Variants in KSR1 observed in about 807,000 individuals in gnomAD.
The protein encoded by KSR1 is kinase suppressor of ras 1, also known as kinase suppressor of ras.
Under a neutral mutation model 92.9 loss-of-function variants are expected in KSR1, and 35 were observed. The ratio of observed to expected loss-of-function variants is 0.38; its 90% CI spans 0.29 to 0.50. The LOEUF is 0.50. Ranked by LOEUF, KSR1 falls within the 20% of genes least tolerant of loss-of-function variation. The probability of loss-of-function intolerance (pLI) is 0.94; values close to 1 mark genes in which losing one functional copy is unlikely to be tolerated. For missense variants in KSR1, 972 were observed against 1,158.5 expected (o/e 0.84, Z 2.34); for synonymous variants, 467 against 472.6 (o/e 0.99, Z 0.15).
At chr17:27,496,459 G>C (rs2068988975) in intron 1 of KSR1, among the ~76,000 whole-genome samples, 1 of 152,138 alleles carries the variant, frequency 6.6e-6, no homozygotes, top group African/African-American at 2.4e-5. Context: ...GGCTGATTCT[G>C]CCTGATTTTA....
chr17:27,551,175 G>A (rs566554193), intron 2 of KSR1, among the ~76,000 whole-genome samples: 2 of 152,308 alleles, frequency 1.3e-5, no homozygotes, highest in South Asian at 4.1e-4. Flanking sequence ...TTGGAATTTG[G>A]AAATAAGAGT....
At chr17:27,585,956 C>T (rs1481847646) in intron 5 of KSR1, 2 of 459,066 alleles carry the variant, frequency 4.4e-6, no homozygotes, top group Non-Finnish European at 7.9e-6. Flanking sequence ...CCTTCCCCAC[C>T]GAGACTCTCC....
At chr17:27,592,701 G>A in intron 9 of KSR1, 75 bp downstream of exon 9, 1 of 1,236,312 alleles carries the variant, frequency 8.1e-7, no homozygotes, top group Non-Finnish European at 1.1e-6. Flanking sequence ...CTGCCTCAGA[G>A]GCTCAGTGGG....
At chr17:27,479,638 T>G (rs2068453843) in intron 1 of KSR1, among the ~76,000 whole-genome samples, 1 of 152,186 alleles carries the variant, frequency 6.6e-6, no homozygotes, top group Non-Finnish European at 1.5e-5. Flanking sequence ...AGACAGACGC[T>G]TGGACTTCCC....
chr17:27,607,772 A>C, intron 14 of KSR1, 142 bp from the exon 15 acceptor site: 1 of 649,248 alleles, frequency 1.5e-6, no homozygotes, highest in Non-Finnish European at 2.8e-6. Flanking sequence ...GGGCTGGGTT[A>C]AAGAAGATTT....
rs758986920 is a variant in KSR1, at chr17:27,597,273, C to G, written c.1305C>G (p.His435Gln). The G allele has an allele frequency of 6.3e-7, 1 of 1,586,138 alleles. No homozygotes were observed. Among genetic ancestry groups the G allele is most frequent in the South Asian group, 1.2e-5 (1 of 86,922 alleles). Residue 435 changes from histidine to glutamine, a missense_variant, in exon 10 of 21, where the codon CAC becomes CAG. Coordinates refer to ENST00000644974, the MANE Select transcript of KSR1 (RefSeq NM_001394583.1). ...CAACATCTCTGGTCCTGCAGGAGCA[C>G]CCTCCGGCCATGAATCACCTGGACT... ...TLPKALTKKE[H>Q]PPAMNHLDSS...
intron 18 of KSR1, among the ~76,000 whole-genome samples, chr17:27,612,026 C>T (rs1313768601): frequency 6.6e-6 from 1 of 152,154 alleles, no homozygotes; most frequent in African/African-American, 2.4e-5. Flanking sequence ...AATCTTTCCT[C>T]ATAATGTTTT....
chr17:27,588,648 T>A lies in KSR1; in HGVS notation c.1046+113T>A. The A allele has an allele frequency of 6.3e-6, 6 of 952,796 alleles. No individual in the cohort carries two copies. In the South Asian group the frequency reaches 1.2e-4, roughly 18 times the overall value. The allele number at this position is 952,796 out of a possible 1,614,324, so 59.0% of individuals were successfully genotyped here. A position where few individuals can be genotyped will look rare whatever the true frequency, so the allele number is the denominator to read the frequency against. On this transcript the variant is annotated intron_variant, in intron 6 of 20. Transcript: ENST00000644974. ...GAGCTCTTTGCCTCTGACGGGCCTG[T>A]CCATTTCACCTGTGGGACATGGCCC... is the stretch of plus-strand genomic sequence containing the variant.
intron 1 of KSR1, among the ~76,000 whole-genome samples, chr17:27,490,250 G>A (rs2068781755): frequency 1.3e-5 from 2 of 152,204 alleles, no homozygotes; most frequent in African/African-American, 4.8e-5. Context: ...TTATGTAAAT[G>A]CTAGCTATTA....
At chr17:27,575,155 A>C (rs1384959412) in intron 2 of KSR1, among the ~76,000 whole-genome samples, 1 of 152,260 alleles carries the variant, frequency 6.6e-6, no homozygotes, top group Admixed American at 6.5e-5. Context: ...AGGCAAGTTT[A>C]TTAGAGAAGT....
intron 1 of KSR1, among the ~76,000 whole-genome samples, chr17:27,513,820 G>A (rs2069690869): frequency 6.6e-6 from 1 of 152,216 alleles, no homozygotes; most frequent in Non-Finnish European, 1.5e-5. Flanking sequence ...GTGTAGGGCT[G>A]TGTTGGGGCA....
At chr17:27,620,570 A>C (rs536316145) in intron 19 of KSR1, among the ~76,000 whole-genome samples, 1 of 152,294 alleles carries the variant, frequency 6.6e-6, no homozygotes, top group Admixed American at 6.5e-5. Flanking sequence ...GGGCCTCTGC[A>C]TCCACCTGGG....
chr17:27,579,334 A>C (rs1304648721), intron 3 of KSR1: 1 of 152,020 alleles, frequency 6.6e-6, no homozygotes, highest in African/African-American at 2.4e-5. Flanking sequence ...TGGGCCCAGC[A>C]CTCTGCTCGG....
chr17:27,619,460 C>T (rs537075734), intron 19 of KSR1, among the ~76,000 whole-genome samples: 4 of 150,776 alleles, frequency 2.7e-5, no homozygotes, highest in African/African-American at 7.3e-5. Flanking sequence ...TGCAGTGGCA[C>T]GATCTCAGCT....
intron 3 of KSR1, among the ~76,000 whole-genome samples, chr17:27,580,335 G>A (rs1043902455): frequency 1.1e-4 from 16 of 152,208 alleles, no homozygotes; most frequent in Admixed American, 2.0e-4. Flanking sequence ...CACAGGGACT[G>A]AGCAACTCCT....
chr17:27,611,039 C>T (rs1048548346), intron 17 of KSR1, among the ~76,000 whole-genome samples: 3 of 152,216 alleles, frequency 2.0e-5, no homozygotes, highest in African/African-American at 7.2e-5. Context: ...GTATCCTTCC[C>T]AGTGGGGTGG....
intron 5 of KSR1, chr17:27,585,950 C>CCGGCG: frequency 2.3e-6 from 1 of 433,274 alleles, no homozygotes; most frequent in Non-Finnish European, 4.2e-6. Flanking sequence ...CCTTGCCCTT[C>CCGGCG]CCCACCGAGA....
At chr17:27,506,310 C>T (rs938795525) in intron 1 of KSR1, among the ~76,000 whole-genome samples, 2 of 152,218 alleles carry the variant, frequency 1.3e-5, no homozygotes, top group South Asian at 4.1e-4. Flanking sequence ...CTCACTTTCT[C>T]TCGTAGCATG....
intron 18 of KSR1, among the ~76,000 whole-genome samples, chr17:27,616,903 T>C (rs906301942): frequency 2.0e-5 from 3 of 152,334 alleles, no homozygotes; most frequent in Non-Finnish European, 4.4e-5. Flanking sequence ...CCTCGTCCAC[T>C]GCAGCCCCGC....
Sources: gnomAD v4.1 joint callset for allele counts (sites outside exome capture counted in the v4.1 genomes callset) on GRCh38, gnomAD v4.1.1 for gene constraint, MANE v1.5 for transcripts, NCBI Gene and HGNC (gene_info 2026-07-23, HGNC 2026-07-21) for gene names.